The following PIEZO2 variants were observed in gnomAD, a reference collection of about 807,000 sequenced individuals.
PIEZO2 encodes the protein piezo type mechanosensitive ion channel component 2.
Under a neutral mutation model 337.3 loss-of-function variants are expected in PIEZO2, and 172 were observed. That is an observed-to-expected ratio of 0.51 (90% CI 0.45 to 0.58). The LOEUF is 0.58. Among genes scored for constraint, PIEZO2 ranks in the 20% least tolerant of loss-of-function variants. PIEZO2 has a pLI of 0.00. For missense variants in PIEZO2, 3,028 were observed against 3,391.3 expected, an observed-to-expected ratio of 0.89 and a Z score of 2.66; for synonymous variants, 1,251 against 1,228.5, an observed-to-expected ratio of 1.02 and a Z score of -0.38.
intron 1 of PIEZO2, among the ~76,000 whole-genome samples, chr18:11,113,595 C>G (rs980245262): frequency 6.6e-6 from 1 of 152,176 alleles, no homozygotes; most frequent in African/African-American, 2.4e-5. Flanking sequence ...ACCTGGGAGG[C>G]CCTCGCAGGT....
At chr18:11,034,453 A>C (rs1276964433) in intron 2 of PIEZO2, among the ~76,000 whole-genome samples, 2 of 151,774 alleles carry the variant, frequency 1.3e-5, no homozygotes, top group South Asian at 2.1e-4. Flanking sequence ...CCACCACGCC[A>C]GGCTAATTTT....
intron 4 of PIEZO2, among the ~76,000 whole-genome samples, chr18:10,900,919 C>G (rs1424422160): frequency 6.6e-6 from 1 of 152,180 alleles, no homozygotes; most frequent in Admixed American, 6.5e-5. Flanking sequence ...TGGACCCATG[C>G]TAATTATAGT....
intron 37 of PIEZO2, 101 bp downstream of exon 37, chr18:10,718,099 T>C: frequency 1.0e-6 from 1 of 998,380 alleles, no homozygotes; most frequent in South Asian, 1.4e-5. Context: ...CAGAAAACAG[T>C]GTTCGATTCA....
intron 12 of PIEZO2, among the ~76,000 whole-genome samples, chr18:10,796,289 G>T (rs1023632750): frequency 1.3e-5 from 2 of 151,628 alleles, no homozygotes; most frequent in African/African-American, 4.8e-5. Context: ...AGAATGGCGT[G>T]AACCCGAGAG....
chr18:10,919,640 C>A (rs1568199425), intron 3 of PIEZO2, among the ~76,000 whole-genome samples: 1 of 152,140 alleles, frequency 6.6e-6, no homozygotes, highest in African/African-American at 2.4e-5. Flanking sequence ...GGTACTGCAA[C>A]ACCTTAACAT....
chr18:11,083,728 G>T lies in PIEZO2; in HGVS notation c.65-17506C>A, dbSNP rs1002715091. On this transcript the variant is annotated intron_variant, in intron 1 of 55. Coordinates refer to ENST00000674853, the MANE Select transcript of PIEZO2 (RefSeq NM_001378183.1). This position sits in a 1 kb window ranked among gnomAD's most constrained non-coding sequence, Gnocchi z 4.4. ...AAGACTAAGAAAATTTGCAGAAATT[G>T]TCCTGAGATCGGTAGGCTCTCCGAG... is the stretch of plus-strand genomic sequence containing the variant. 6.6e-6 allele frequency among the ~76,000 whole-genome samples: 1 copy of T among 152,228 alleles called. No individual in the cohort carries two copies. Among genetic ancestry groups the T allele is most frequent in the African/African-American group, 2.4e-5 (1 of 41,452 alleles).
chr18:10,941,402 T>A (rs574546908), intron 3 of PIEZO2, among the ~76,000 whole-genome samples: 1 of 152,238 alleles, frequency 6.6e-6, no homozygotes, highest in South Asian at 2.1e-4. Context: ...AATAATGAAG[T>A]TGGGACCCTA....
chr18:11,012,880 C>CA (rs1259930102), intron 2 of PIEZO2, among the ~76,000 whole-genome samples: 6 of 151,998 alleles, frequency 3.9e-5, no homozygotes, highest in Non-Finnish European at 7.4e-5. Flanking sequence ...CCAGTCTGTA[C>CA]AAAAAATTTA....
chr18:11,109,785 T>C lies in PIEZO2; in HGVS notation c.64+38740A>G, dbSNP rs1449987894. On this transcript the variant is annotated intron_variant, in intron 1 of 55. Transcript: ENST00000674853. The surrounding 1 kb of genome is among the most constrained non-coding windows in gnomAD (Gnocchi z 5.1). ...GCAAAAATGTGTATGTGTTTGTCTA[T>C]TCTGGATACAAGTGAGATGCTGAAA... Among the ~76,000 whole-genome samples the C allele has an allele frequency of 6.6e-6, 1 of 152,224 alleles. No homozygotes were observed. The highest frequency in any genetic ancestry group is 2.4e-5 in the African/African-American group (1 of 41,464).
At chr18:11,022,994 G>A (rs962863340) in intron 2 of PIEZO2, among the ~76,000 whole-genome samples, 12 of 152,222 alleles carry the variant, frequency 7.9e-5, no homozygotes, top group African/African-American at 2.9e-4. Flanking sequence ...TTAAGGCGGG[G>A]AGTCTGGAGT....
chr18:10,849,316 T>C (rs1251042367), intron 7 of PIEZO2, among the ~76,000 whole-genome samples: 2 of 152,204 alleles, frequency 1.3e-5, no homozygotes, highest in African/African-American at 4.8e-5. Context: ...TTGGCCCCTC[T>C]CCCAATCCAG....
intron 4 of PIEZO2, chr18:10,908,224 T>C (rs1376988502): frequency 2.6e-5 from 4 of 152,296 alleles, no homozygotes; most frequent in African/African-American, 4.8e-5. Context: ...GCAGGTCCTC[T>C]AGGTCTTCCT....
In PIEZO2 at chr18:10,934,863, C is replaced by T. The variant is rs142890644; in HGVS notation, c.287-23635G>A. Among the ~76,000 whole-genome samples the T allele has an allele frequency of 2.4e-3, 366 of 152,304 alleles. 3 individuals carry two copies. Among genetic ancestry groups the T allele is most frequent in the African/African-American group, 8.3e-3 (346 of 41,554 alleles). On this transcript the variant is annotated intron_variant, in intron 3 of 55. Transcript: ENST00000674853. ...TATTCTAAGGGTTTACAAATAGTAA[C>T]TCATTTTATTTAATCCTCATGTCTA...
intron 32 of PIEZO2, among the ~76,000 whole-genome samples, 167 bp from the exon 33 acceptor site, chr18:10,741,269 C>T (rs931476057): frequency 1.3e-5 from 2 of 152,164 alleles, no homozygotes; most frequent in African/African-American, 2.4e-5. Context: ...TATTAACAGT[C>T]AATTTCACAA....
rs890121124 is a variant in PIEZO2 at position 11,033,325 on chromosome 18, T to C, written c.160+32802A>G. Reference sequence around the variant, plus strand: ...CTGTAGACACTAGACCACCAGGACTTAGGGCAGGACTCCAGCCAGAGTGCA... The same window carrying C: ...CTGTAGACACTAGACCACCAGGACTCAGGGCAGGACTCCAGCCAGAGTGCA... On this transcript the variant is annotated intron_variant, in intron 2 of 55. Transcript: ENST00000674853. This position sits in a 1 kb window ranked among gnomAD's most constrained non-coding sequence, Gnocchi z 4.2. Among the ~76,000 whole-genome samples, 3 of 152,182 alleles carry C rather than the reference T, an allele frequency of 2.0e-5. No homozygotes were observed. Among genetic ancestry groups the C allele is most frequent in the African/African-American group, 7.2e-5 (3 of 41,452 alleles).
intron 2 of PIEZO2, among the ~76,000 whole-genome samples, chr18:11,065,778 A>G (rs2038126622): frequency 6.6e-6 from 1 of 152,148 alleles, no homozygotes; most frequent in Admixed American, 6.5e-5. Flanking sequence ...CCACAACCCA[A>G]AAAACAAATG....
intron 2 of PIEZO2, among the ~76,000 whole-genome samples, chr18:11,018,221 GT>G (rs2036188558): frequency 8.5e-5 from 5 of 58,662 alleles, no homozygotes; most frequent in Non-Finnish European, 1.7e-4. Context: ...GGTGGTGGTG[GT>G]GTGTGTGTGT....
At chr18:10,950,495 A>G (rs2033241708) in intron 3 of PIEZO2, among the ~76,000 whole-genome samples, 1 of 152,228 alleles carries the variant, frequency 6.6e-6, no homozygotes, top group South Asian at 2.1e-4. Flanking sequence ...TTTCACTGTG[A>G]TATCTGATCA....
Position 10,764,523 on chromosome 18 carries a change from C to T in PIEZO2, c.2947-1425G>A, listed in dbSNP as rs538346375. 6.6e-5 allele frequency among the ~76,000 whole-genome samples: 10 copies of T among 151,946 alleles called. No homozygotes were observed. The South Asian group carries it at 2.1e-3, about 32-fold the overall frequency. On this transcript the variant is annotated intron_variant, in intron 21 of 55. Coordinates refer to ENST00000674853, the MANE Select transcript of PIEZO2 (RefSeq NM_001378183.1). ...GGGCGTGGTGGCAGGCTCCTGTAATCCCAGCTACAGTGGCCGAGATCGTGC... is the reference window on the plus strand; with the variant it reads ...GGGCGTGGTGGCAGGCTCCTGTAATTCCAGCTACAGTGGCCGAGATCGTGC...
Sources: gnomAD v4.1 joint callset for allele counts (sites outside exome capture counted in the v4.1 genomes callset) on GRCh38, gnomAD v4.1.1 for gene constraint, Gnocchi (gnomAD v3.1) non-coding constraint, MANE v1.5 for transcripts, NCBI Gene and HGNC (gene_info 2026-07-23, HGNC 2026-07-21) for gene names.